MYO9B: variants seen among roughly 807,000 people sequenced by gnomAD.
The protein encoded by MYO9B is myosin IXB.
In MYO9B, 71 loss-of-function variants were observed where a neutral mutation model predicts 229.5. The observed-to-expected ratio is 0.31, with a 90% CI of 0.26 to 0.38. MYO9B has a LOEUF of 0.38. Ranked by LOEUF, MYO9B falls within the 10% of genes least tolerant of loss-of-function variation. The pLI is 1.00. For synonymous variants in MYO9B, 1,185 were observed against 1,235.8 expected (o/e 0.96, Z 0.86); for missense variants, 2,255 against 2,920.5 (o/e 0.77, Z 5.25).
chr19:17,155,854 A>G (rs1037184457), intron 6 of MYO9B, among the ~76,000 whole-genome samples: 1 of 152,112 alleles, frequency 6.6e-6, no homozygotes, highest in East Asian at 1.9e-4. Context: ...CCCTGTCTCT[A>G]CTAAAAATAT....
At chr19:17,167,196 T>TG (rs1460150628) in intron 10 of MYO9B, among the ~76,000 whole-genome samples, 3 of 151,030 alleles carry the variant, frequency 2.0e-5, no homozygotes, top group African/African-American at 7.4e-5. Context: ...CCAAAAGTTT[T>TG]GGATTTTTTT....
At chr19:17,167,539 G>A (rs1599385692) in intron 10 of MYO9B, among the ~76,000 whole-genome samples, 1 of 150,156 alleles carries the variant, frequency 6.7e-6, no homozygotes, top group Admixed American at 6.7e-5. Flanking sequence ...AGGACTAATG[G>A]CGCAATCTTG....
At chr19:17,179,915 A>T (rs965893532) in intron 14 of MYO9B, among the ~76,000 whole-genome samples, 14 of 150,200 alleles carry the variant, frequency 9.3e-5, no homozygotes, top group African/African-American at 3.5e-4. Context: ...AAAATAAAAT[A>T]AAAATAAAAA....
chr19:17,130,839 C>A (rs12052065), intron 2 of MYO9B, among the ~76,000 whole-genome samples: 107,861 of 151,784 alleles, frequency 0.71, 39,108 homozygotes, highest in African/African-American at 0.85. Context: ...TCTCTTTTCA[C>A]AGATTCTCTG....
chr19:17,106,038 C>T (rs867018049), intron 2 of MYO9B, among the ~76,000 whole-genome samples: 12 of 151,078 alleles, frequency 7.9e-5, no homozygotes, highest in Middle Eastern at 3.4e-3. Context: ...GGTCTCTCTC[C>T]GTTACCTAGA....
chr19:17,079,847 C>T (rs577334323), intron 1 of MYO9B, among the ~76,000 whole-genome samples: 31 of 152,296 alleles, frequency 2.0e-4, no homozygotes, highest in African/African-American at 6.7e-4. Context: ...GGCGGCCTCT[C>T]GGCAAAGCAA....
At chr19:17,159,308 T>G in intron 7 of MYO9B, 87 bp from the exon 8 acceptor site, 14 of 1,273,840 alleles carry the variant, frequency 1.1e-5, no homozygotes, top group Non-Finnish European at 1.3e-5. Flanking sequence ...TGCCTCAGGC[T>G]CCGGGCGTTG....
In MYO9B at chr19:17,191,156, C is replaced by T. The variant is rs2072980709; in HGVS notation, c.2748C>T (p.Val916=). 6.2e-7 allele frequency: 1 copy of T among 1,612,192 alleles called. No homozygotes were observed. The highest frequency in any genetic ancestry group is 1.3e-5 in the African/African-American group (1 of 74,884). Residue 916 remains valine, a synonymous_variant, in exon 20 of 40, where the codon GTC becomes GTT. Transcript: ENST00000682292. ...AGGATGCCCAGCCCTGCAGGGAGGT[C>T]ATCTCCACCCTCCTGGAGAAAATGA... ...LPKDAQPCRE[V]ISTLLEKMKI...
intron 2 of MYO9B, among the ~76,000 whole-genome samples, chr19:17,104,269 G>A (rs1019183831): frequency 3.3e-5 from 5 of 152,104 alleles, no homozygotes; most frequent in Non-Finnish European, 7.4e-5. Flanking sequence ...AAGCATTGTC[G>A]GGGAGGGGGC....
At chr19:17,202,982 C>A (rs997628517) in intron 29 of MYO9B, 99 bp downstream of exon 29, 1 of 1,463,962 alleles carries the variant, frequency 6.8e-7, no homozygotes. Context: ...CCCGTCTGCA[C>A]GCGTATGTGT....
intron 26 of MYO9B, among the ~76,000 whole-genome samples, chr19:17,201,345 G>C (rs1464132583): frequency 7.2e-6 from 1 of 138,076 alleles, no homozygotes; most frequent in African/African-American, 2.6e-5. Flanking sequence ...TATACCCCGT[G>C]GGGGTGGGGG....
intron 35 of MYO9B, among the ~76,000 whole-genome samples, chr19:17,209,045 T>C (rs2073195761): frequency 1.3e-5 from 2 of 152,156 alleles, no homozygotes; most frequent in South Asian, 4.1e-4. Flanking sequence ...CACTCCAAGC[T>C]GAGTCCCTCT....
rs529476773 is a variant in MYO9B, at chr19:17,118,941, G to A, written c.840+16384G>A. Among the ~76,000 whole-genome samples the A allele has an allele frequency of 9.2e-5, 14 of 152,288 alleles. No individual in the cohort carries two copies. The South Asian group carries it at 1.7e-3, about 18-fold the overall frequency. ...CCTGGAGAGGCCCTCAGTGCAGGCCGGCCTGAGGGGACATCTCCAGTCCTG... is the reference window on the plus strand; with the variant it reads ...CCTGGAGAGGCCCTCAGTGCAGGCCAGCCTGAGGGGACATCTCCAGTCCTG... On this transcript the variant is annotated intron_variant, in intron 2 of 39. Coordinates refer to ENST00000682292, the MANE Select transcript of MYO9B (RefSeq NM_004145.4).
chr19:17,170,902 G>T (rs74904317), intron 11 of MYO9B, among the ~76,000 whole-genome samples: 6,460 of 151,424 alleles, frequency 0.043, 308 homozygotes, highest in African/African-American at 0.11. Context: ...AACTCCCAGG[G>T]TCAGATCAGG....
intron 2 of MYO9B, among the ~76,000 whole-genome samples, chr19:17,138,842 T>C (rs1338060888): frequency 6.6e-6 from 1 of 152,130 alleles, no homozygotes; most frequent in Non-Finnish European, 1.5e-5. Context: ...AATAGGTGTG[T>C]TAATATGTAA....
rs747998041 is a variant in MYO9B at position 17,183,870 on chromosome 19, TA to T, written c.2373+13del. ...AAACAAAAGCAGATCATTCCAAAGG[TA>T]AAAAAAAAAACACACCCCGCGCGAC... On this transcript the variant is annotated splice_donor_region_variant and intron_variant, in intron 16 of 39. Coordinates refer to ENST00000682292, the MANE Select transcript of MYO9B (RefSeq NM_004145.4). The T allele has an allele frequency of 0.019, 19,553 of 1,026,476 alleles. No homozygotes were observed. The highest frequency in any genetic ancestry group is 0.036 in the Admixed American group (1,368 of 37,504). The allele number at this position is 1,026,476 out of a possible 1,614,324, so 63.6% of individuals were successfully genotyped here.
Position 17,192,885 on chromosome 19 carries a change from T to C in MYO9B, c.2951T>C (p.Val984Ala). The change falls in exon 21 of 40, where the codon GTC (valine) becomes GCC (alanine). Residue 984 changes from valine to alanine, a missense_variant. Val to Ala is a moderately conservative substitution (Grantham distance 64, BLOSUM62 0). Around this residue, in one of 7 missense-constraint regions of MYO9B, gnomAD observed 679 missense variants for 770.2 expected, o/e 0.88. Transcript: ENST00000682292. ...RHFLQMKRAA[V>A]TIQACWRSYR... ...TTCCTGCAGATGAAGCGGGCCGCCG[T>C]CACCATCCAGGCCTGCTGGCGGTCC... 1 of 1,550,342 alleles carries C rather than the reference T, an allele frequency of 6.5e-7. No individual in the cohort carries two copies. Among genetic ancestry groups the C allele is most frequent in the Non-Finnish European group, 8.7e-7 (1 of 1,147,084 alleles).
At chr19:17,187,073 C>T (rs2072926919) in intron 18 of MYO9B, among the ~76,000 whole-genome samples, 1 of 152,156 alleles carries the variant, frequency 6.6e-6, no homozygotes, top group South Asian at 2.1e-4. Flanking sequence ...TTACTGCCCA[C>T]CAGAGTGAAG....
chr19:17,205,406 G>A, intron 31 of MYO9B, 70 bp downstream of exon 31: 1 of 1,486,098 alleles, frequency 6.7e-7, no homozygotes, highest in Non-Finnish European at 9.4e-7. Flanking sequence ...AGGAGGTGGT[G>A]CTTGATGTGA....
Sources: allele counts gnomAD v4.1 joint callset (sites outside exome capture counted in the v4.1 genomes callset), GRCh38; gene constraint gnomAD v4.1.1; regional missense constraint gnomAD v4.1.1; transcripts MANE v1.5; gene names NCBI Gene and HGNC (gene_info 2026-07-23, HGNC 2026-07-21).